Variants in SLC38A9 observed in about 807,000 individuals in gnomAD.
SLC38A9 encodes solute carrier family 38 member 9.
Under a neutral mutation model 62.3 loss-of-function variants are expected in SLC38A9, and 48 were observed. The ratio of observed to expected loss-of-function variants is 0.77; its 90% CI spans 0.61 to 0.98. The LOEUF (loss-of-function observed/expected upper bound fraction) is 0.98. Ranked by LOEUF, SLC38A9 falls within the 50% of genes least tolerant of loss-of-function variation. The pLI, the probability that SLC38A9 is intolerant of heterozygous loss-of-function variation, is 0.00. For missense variants in SLC38A9, 541 were observed against 679.8 expected (o/e 0.80, Z 2.27); for synonymous variants, 204 against 227.7 (o/e 0.90, Z 0.94).
intron 9 of SLC38A9, among the ~76,000 whole-genome samples, chr5:55,653,069 C>T (rs935479402): frequency 3.7e-4 from 56 of 152,120 alleles, no homozygotes; most frequent in African/African-American, 1.2e-3. Flanking sequence ...TGGATTCAAG[C>T]GATTCTCTTG....
intron 7 of SLC38A9, among the ~76,000 whole-genome samples, chr5:55,667,915 A>C (rs903765487): frequency 6.6e-6 from 1 of 152,142 alleles, no homozygotes. Context: ...TAGAGCCAAT[A>C]ATCCCAGCAT....
rs180866935 is a variant in SLC38A9 at position 55,669,967 on chromosome 5, A to G, written c.247-88T>C. ...CACATCAGAACACCTGACTCTAGAC[A>G]CCTTTTTTTTTCTTTTGAACGGAGT... is the stretch of plus-strand genomic sequence containing the variant. On this transcript the variant is annotated intron_variant, in intron 4 of 15. Coordinates refer to ENST00000396865, the MANE Select transcript of SLC38A9 (RefSeq NM_173514.4). The G allele has an allele frequency of 7.7e-5, 99 of 1,285,704 alleles. No individual in the cohort carries two copies. The African/African-American group carries it at 1.4e-3, about 18-fold the overall frequency. The allele number at this position is 1,285,704 out of a possible 1,614,324, so 79.6% of individuals were successfully genotyped here. A position where few individuals can be genotyped will look rare whatever the true frequency, so the allele number is the denominator to read the frequency against.
At chr5:55,669,923 C>T in intron 4 of SLC38A9, 44 bp from the exon 5 acceptor site, 5 of 1,550,806 alleles carry the variant, frequency 3.2e-6, no homozygotes, top group Non-Finnish European at 4.4e-6. Context: ...CCAGGAAATG[C>T]AAAATAGGAT....
intron 8 of SLC38A9, among the ~76,000 whole-genome samples, chr5:55,660,198 C>T (rs1749269105): frequency 6.6e-6 from 1 of 151,934 alleles, no homozygotes; most frequent in African/African-American, 2.4e-5. Context: ...ACTGCTTGAA[C>T]TCAGGAGTTC....
intron 2 of SLC38A9, among the ~76,000 whole-genome samples, chr5:55,707,180 C>T (rs1757402329): frequency 6.6e-6 from 1 of 152,104 alleles, no homozygotes; most frequent in Admixed American, 6.5e-5. Flanking sequence ...CATGAGCCAC[C>T]ATGCCTAGTC....
At chr5:55,711,715 G>A (rs1034704537) in intron 1 of SLC38A9, among the ~76,000 whole-genome samples, 2 of 152,068 alleles carry the variant, frequency 1.3e-5, no homozygotes, top group Admixed American at 1.3e-4. Context: ...TCCCCCTCTA[G>A]ATGTCCCCAA....
chr5:55,649,219 A>G lies in SLC38A9; in HGVS notation c.1048T>C (p.Phe350Leu). The G allele has an allele frequency of 6.3e-7, 1 of 1,590,820 alleles. No homozygotes were observed. The change falls in exon 11 of 16, where the codon TTT (phenylalanine) becomes CTT (leucine). Residue 350 changes from phenylalanine to leucine, a missense_variant. Coordinates refer to ENST00000396865, the MANE Select transcript of SLC38A9 (RefSeq NM_173514.4). ...LEFHWFIPTE[F>L]FVPEIRFQFP... Reference sequence around the variant, plus strand: ...CCAAAAAGCTCACCTGGTACAAAAAATTCTGTTGGTATAAACCAATGAAAT... The same window carrying G: ...CCAAAAAGCTCACCTGGTACAAAAAGTTCTGTTGGTATAAACCAATGAAAT...
intron 8 of SLC38A9, among the ~76,000 whole-genome samples, chr5:55,663,956 T>G (rs907280121): frequency 6.6e-6 from 1 of 152,176 alleles, no homozygotes; most frequent in Non-Finnish European, 1.5e-5. Flanking sequence ...ATATTAAACT[T>G]TAGGTTTAGT....
chr5:55,688,830 T>C (rs1754330128), intron 3 of SLC38A9, among the ~76,000 whole-genome samples: 2 of 152,128 alleles, frequency 1.3e-5, no homozygotes, highest in Admixed American at 6.5e-5. Context: ...GAAAATAACA[T>C]AATGAAATTG....
chr5:55,671,674 C>T (rs1043303545), intron 4 of SLC38A9, among the ~76,000 whole-genome samples: 8 of 151,860 alleles, frequency 5.3e-5, no homozygotes, highest in Non-Finnish European at 8.8e-5. Flanking sequence ...ATGGTGAAAC[C>T]GTGTCTCTAC....
chr5:55,641,497 C>T (rs1745441859), intron 12 of SLC38A9, among the ~76,000 whole-genome samples: 2 of 152,238 alleles, frequency 1.3e-5, no homozygotes, highest in South Asian at 4.1e-4. Flanking sequence ...CCTTAAGTTT[C>T]TCTAGCTGCA....
At chr5:55,650,612 G>A (rs1747215852) in intron 10 of SLC38A9, among the ~76,000 whole-genome samples, 1 of 152,138 alleles carries the variant, frequency 6.6e-6, no homozygotes, top group African/African-American at 2.4e-5. Context: ...ATTCAGAAAG[G>A]ATGAAAACAG....
At chr5:55,633,059 T>C (rs968019216) in intron 14 of SLC38A9, among the ~76,000 whole-genome samples, 1 of 152,022 alleles carries the variant, frequency 6.6e-6, no homozygotes, top group Admixed American at 6.6e-5. Context: ...CCCAGAGCAG[T>C]GGCGTGATCT....
chr5:55,669,267 A>G lies in SLC38A9; in HGVS notation c.487T>C (p.Tyr163His), dbSNP rs994530153. The change falls in exon 7 of 16, where the codon TAT becomes CAT. Residue 163 changes from tyrosine (Y) to histidine (H), a missense_variant. By Grantham distance (83) the Tyr-to-His change is moderately conservative. Coordinates refer to ENST00000396865, the MANE Select transcript of SLC38A9 (RefSeq NM_173514.4). ...VIILMGLLTLYCCYRVVKSRT... is the reference protein window; with the variant it reads ...VIILMGLLTLHCCYRVVKSRT... The stretch of plus-strand genomic sequence containing the variant: ...GATTTCACTACTCTGTAGCAGCAAT[A>G]AAGTGTTAAAAGGCCCATCAGTATG... 1.9e-6 allele frequency: 3 copies of G among 1,613,262 alleles called. No individual in the cohort carries two copies. Among genetic ancestry groups the G allele is most frequent in the Non-Finnish European group, 2.5e-6 (3 of 1,179,700 alleles).
At chr5:55,665,793 A>AT (rs1421741186) in intron 7 of SLC38A9, among the ~76,000 whole-genome samples, 5 of 151,828 alleles carry the variant, frequency 3.3e-5, no homozygotes, top group African/African-American at 7.3e-5. Context: ...GCAAAACCCC[A>AT]TATTTAAAAA....
intron 10 of SLC38A9, among the ~76,000 whole-genome samples, chr5:55,651,682 G>A (rs1021110954): frequency 3.9e-5 from 6 of 152,124 alleles, no homozygotes; most frequent in African/African-American, 1.4e-4. Context: ...GAGAGCAAAA[G>A]CAAAATAAAC....
chr5:55,700,170 G>C (rs1277292814), intron 2 of SLC38A9, among the ~76,000 whole-genome samples: 1 of 151,810 alleles, frequency 6.6e-6, no homozygotes, highest in Admixed American at 6.6e-5. Flanking sequence ...GTGAAACCCC[G>C]TCTCTACTAA....
At position 55,677,923 on chromosome 5, in the gene SLC38A9, TTA is replaced by T. The variant is rs57737831; in HGVS notation, c.114-5230_114-5229del. Among the ~76,000 whole-genome samples the T allele has an allele frequency of 8.4e-3, 377 of 44,648 alleles. 24 individuals carry two copies. The highest frequency in any genetic ancestry group is 0.017 in the South Asian group (16 of 950). 29.3% of individuals were successfully genotyped at this position (44,648 alleles called of 152,430 possible). The stretch of plus-strand genomic sequence containing the variant: ...CTCTAAATCAATACTTTTTTTTTCT[TTA>T]TTGTGTGTGTGTGTGTGTGTGTGTG... On this transcript the variant is annotated intron_variant, in intron 3 of 15. Transcript: ENST00000396865.
rs190613086 is a variant in SLC38A9, at chr5:55,637,366, C to T, written c.1168-1709G>A. Among the ~76,000 whole-genome samples the T allele has an allele frequency of 4.3e-3, 657 of 152,322 alleles. 7 individuals are homozygous for T. The highest frequency in any genetic ancestry group is 0.01 in the Middle Eastern group (3 of 294). The stretch of plus-strand genomic sequence containing the variant: ...CCCTTCCGCTTCTCTGTTCTCACGG[C>T]ACTATATACTTATCTCAAATTCAGC... On this transcript the variant is annotated intron_variant, in intron 12 of 15. Coordinates refer to ENST00000396865, the MANE Select transcript of SLC38A9 (RefSeq NM_173514.4).
Sources: allele counts gnomAD v4.1 joint callset (sites outside exome capture counted in the v4.1 genomes callset), GRCh38; gene constraint gnomAD v4.1.1; transcripts MANE v1.5; gene names NCBI Gene and HGNC (gene_info 2026-07-23, HGNC 2026-07-21).